Variants in ADAMTS14 observed in about 807,000 individuals in gnomAD.
ADAMTS14 encodes ADAM metallopeptidase with thrombospondin type 1 motif 14, also known as A disintegrin and metalloproteinase with thrombospondin motifs 14.
ADAMTS14 carries 100 observed loss-of-function variants against 128.6 expected under a neutral mutation model. The ratio of observed to expected loss-of-function variants is 0.78; its 90% CI spans 0.66 to 0.92. ADAMTS14 has a LOEUF of 0.92. Ranked by LOEUF, ADAMTS14 falls within the 40% of genes least tolerant of loss-of-function variation. The pLI, the probability that ADAMTS14 is intolerant of heterozygous loss-of-function variation, is 0.00. For synonymous variants in ADAMTS14, 665 were observed against 653.8 expected (o/e 1.02, Z -0.26); for missense variants, 1,562 against 1,658.6 (o/e 0.94, Z 1.01).
At chr10:70,725,745 C>G (rs536846879) in intron 4 of ADAMTS14, among the ~76,000 whole-genome samples, 3 of 152,272 alleles carry the variant, frequency 2.0e-5, no homozygotes, top group African/African-American at 7.2e-5. Flanking sequence ...AACATTCAGA[C>G]CAAAGCAGTT....
chr10:70,723,136 G>GCC (rs1017223756), intron 4 of ADAMTS14, among the ~76,000 whole-genome samples: 1 of 152,108 alleles, frequency 6.6e-6, no homozygotes, highest in Non-Finnish European at 1.5e-5. Flanking sequence ...CTCCCCAATA[G>GCC]CCCCCATCTA....
At chr10:70,721,660 T>G (rs1841271938) in intron 4 of ADAMTS14, among the ~76,000 whole-genome samples, 1 of 152,244 alleles carries the variant, frequency 6.6e-6, no homozygotes, top group Non-Finnish European at 1.5e-5. Context: ...GTGCTGGGAT[T>G]ACAGGCGTGA....
At chr10:70,718,044 G>A (rs1273097158) in intron 4 of ADAMTS14, among the ~76,000 whole-genome samples, 1 of 152,224 alleles carries the variant, frequency 6.6e-6, no homozygotes, top group Middle Eastern at 3.2e-3. Flanking sequence ...TCAGATCAGG[G>A]CCTTGGTGGC....
intron 8 of ADAMTS14, among the ~76,000 whole-genome samples, chr10:70,734,652 T>G (rs775658292): frequency 1.1e-4 from 16 of 152,244 alleles, no homozygotes; most frequent in South Asian, 4.2e-4. Context: ...GAGCAAGTGT[T>G]AGACTCAGGA....
At chr10:70,712,663 T>C (rs1840898592) in intron 4 of ADAMTS14, among the ~76,000 whole-genome samples, 1 of 152,062 alleles carries the variant, frequency 6.6e-6, no homozygotes, top group South Asian at 2.1e-4. Flanking sequence ...ACAGGAATTT[T>C]GCGTTGCTCT....
chr10:70,672,550 T>G lies in ADAMTS14; in HGVS notation c.-253T>G, dbSNP rs117927780. ...CGACCAGCCGGCAGTTGGCACCGGG[T>G]GCGCTGGCGCGTCAGTGGCCCCGCT... On this transcript the variant is annotated 5_prime_UTR_variant, in exon 1 of 22. Transcript: ENST00000373207. Among the ~76,000 whole-genome samples the G allele has an allele frequency of 0.45, 68,542 of 150,770 alleles. 16,306 individuals are homozygous for G. Among genetic ancestry groups the G allele is most frequent in the Non-Finnish European group, 0.52 (35,261 of 67,550 alleles).
Position 70,751,623 on chromosome 10 carries a change from C to T in ADAMTS14, c.2573C>T (p.Pro858Leu). The T allele has an allele frequency of 6.2e-7, 1 of 1,611,318 alleles. No homozygotes were observed. The highest frequency in any genetic ancestry group is 8.5e-7 in the Non-Finnish European group (1 of 1,177,702). Residue 858 changes from proline (P) to leucine (L), a missense_variant, in exon 17 of 22, where the codon CCC becomes CTC. By Grantham distance (98) the Pro-to-Leu change is moderately conservative (BLOSUM62 -3). Transcript: ENST00000373207. ...GAGTGGGCGCTCAAGAGCTGGGCCC[C>T]CTGCAGCAAGGCCTGTGGAGGAGGT... ...TYEWALKSWA[P>L]CSKACGGGIQ...
chr10:70,757,559 C>T (rs2132758373), intron 19 of ADAMTS14, among the ~76,000 whole-genome samples: 1 of 152,218 alleles, frequency 6.6e-6, no homozygotes, highest in African/African-American at 2.4e-5. Flanking sequence ...TAGTGGATTG[C>T]AACAGGGGAG....
chr10:70,691,487 T>TAAAAAAAAAAAAAAAA (rs11373533), intron 2 of ADAMTS14, among the ~76,000 whole-genome samples: 1 of 86,694 alleles, frequency 1.2e-5, no homozygotes, highest in Non-Finnish European at 2.5e-5. Context: ...GAGACCCTGT[T>TAAAAAAAAAAAAAAAA]AAAAAAAAAA....
chr10:70,693,976 G>A (rs1223942135), intron 2 of ADAMTS14, among the ~76,000 whole-genome samples: 4 of 152,242 alleles, frequency 2.6e-5, no homozygotes, highest in Admixed American at 6.5e-5. Context: ...GCAGCTTTCA[G>A]CCCCATCCTC....
At chr10:70,757,894 C>G (rs1053316652) in intron 19 of ADAMTS14, 68 bp from the exon 20 acceptor site, 1 of 1,523,036 alleles carries the variant, frequency 6.6e-7, no homozygotes, top group Non-Finnish European at 8.8e-7. Context: ...AGCTCACTGA[C>G]TCGTCTTTCT....
intron 15 of ADAMTS14, among the ~76,000 whole-genome samples, 166 bp from the exon 16 acceptor site, chr10:70,749,656 A>G (rs1842291017): frequency 7.1e-6 from 1 of 141,356 alleles, no homozygotes; most frequent in Non-Finnish European, 1.6e-5. Context: ...TGGGTTTGAC[A>G]GGGAGCGTGT....
At chr10:70,680,486 T>C (rs1839770343) in intron 2 of ADAMTS14, among the ~76,000 whole-genome samples, 1 of 152,214 alleles carries the variant, frequency 6.6e-6, no homozygotes, top group South Asian at 2.1e-4. Flanking sequence ...AAAGGTGGTG[T>C]TCGTAATTCC....
At chr10:70,711,042 T>C (rs566960724) in intron 4 of ADAMTS14, among the ~76,000 whole-genome samples, 62 of 152,242 alleles carry the variant, frequency 4.1e-4, no homozygotes, top group African/African-American at 1.1e-3. Context: ...CAGGGATCCA[T>C]AGGATGCAAA....
intron 4 of ADAMTS14, among the ~76,000 whole-genome samples, chr10:70,711,764 A>T (rs1445727089): frequency 6.6e-6 from 1 of 151,842 alleles, no homozygotes; most frequent in Admixed American, 6.6e-5. Context: ...GAGACCTGAG[A>T]GGTGATTGGT....
intron 14 of ADAMTS14, 112 bp from the exon 15 acceptor site, chr10:70,745,114 T>C: frequency 1.1e-6 from 1 of 938,740 alleles, no homozygotes; most frequent in Non-Finnish European, 1.6e-6. Context: ...TTCAGAGAGG[T>C]TCTGTGATCA....
intron 18 of ADAMTS14, among the ~76,000 whole-genome samples, chr10:70,752,885 G>C (rs1219167953): frequency 4.6e-5 from 7 of 152,234 alleles, no homozygotes; most frequent in Admixed American, 1.3e-4. Flanking sequence ...TGGCCTCCCT[G>C]TCTGTGCCCA....
chr10:70,713,767 G>GT lies in ADAMTS14; in HGVS notation c.870+4990dup, dbSNP rs560154045. Among the ~76,000 whole-genome samples the GT allele has an allele frequency of 2.2e-3, 340 of 152,308 alleles. 8 individuals carry two copies. Among genetic ancestry groups the GT allele is most frequent in the Admixed American group, 0.02 (306 of 15,302 alleles). On this transcript the variant is annotated intron_variant, in intron 4 of 21. Transcript: ENST00000373207. ...ATGGGGGTGAGTTGGAGCAGGACCT[G>GT]TGCCCAGAAGGCAAGCAGCAAAGCA...
At position 70,760,483 on chromosome 10, in the gene ADAMTS14, A is replaced by T; in HGVS notation, c.3302A>T (p.Asn1101Ile). ...VSCIKKASGP[N>I]PGPDPGPTSL... is the part of the protein sequence containing the mutation. ...TGCATCAAGAAGGCCTCGGGCCCCA[A>T]CCCTGGCCCAGACCCTGGCCCAACC... Residue 1101 changes from asparagine to isoleucine, a missense_variant, in exon 22 of 22, where the codon AAC becomes ATC. Asn to Ile is a moderately radical substitution (Grantham distance 149, BLOSUM62 -3). Transcript: ENST00000373207. 1 of 1,613,774 alleles carries T rather than the reference A, an allele frequency of 6.2e-7. No individual in the cohort carries two copies.
Sources: allele counts gnomAD v4.1 joint callset (sites outside exome capture counted in the v4.1 genomes callset), GRCh38; gene constraint gnomAD v4.1.1; transcripts MANE v1.5; gene names NCBI Gene and HGNC (gene_info 2026-07-23, HGNC 2026-07-21).